ANKRD13A: variants seen among roughly 807,000 people sequenced by gnomAD.
ANKRD13A encodes the protein ankyrin repeat domain 13A, also known as ankyrin repeat domain-containing protein 13A.
Under a neutral mutation model 81.3 loss-of-function variants are expected in ANKRD13A, and 48 were observed. The observed-to-expected ratio is 0.59, with a 90% CI of 0.47 to 0.75. The LOEUF (loss-of-function observed/expected upper bound fraction) is 0.75, where lower values mean the gene tolerates loss of function less well. Among genes scored for constraint, ANKRD13A ranks in the 30% least tolerant of loss-of-function variants. The pLI, the probability that ANKRD13A is intolerant of heterozygous loss-of-function variation, is 0.00. For missense variants in ANKRD13A, 612 were observed against 734.0 expected, an observed-to-expected ratio of 0.83 and a Z score of 1.92; for synonymous variants, 230 against 270.1, an observed-to-expected ratio of 0.85 and a Z score of 1.45.
intron 10 of ANKRD13A, 104 bp downstream of exon 10, chr12:110,028,746 A>ATT (rs1031484284): frequency 1.4e-6 from 2 of 1,456,432 alleles, no homozygotes; most frequent in Non-Finnish European, 1.9e-6. Context: ...CACCACCCTT[A>ATT]TTTTTTTTTC....
chr12:110,012,392 CT>C (rs1212884847), intron 2 of ANKRD13A, among the ~76,000 whole-genome samples: 1 of 152,162 alleles, frequency 6.6e-6, no homozygotes, highest in Non-Finnish European at 1.5e-5. Context: ...ATTTTAGTTT[CT>C]GTTTCTGAAT....
chr12:110,007,726 A>G (rs1278089535), intron 1 of ANKRD13A, among the ~76,000 whole-genome samples: 1 of 152,102 alleles, frequency 6.6e-6, no homozygotes, highest in Admixed American at 6.6e-5. Context: ...GTTTAAGAGT[A>G]TGTAAGTTTT....
intron 8 of ANKRD13A, among the ~76,000 whole-genome samples, chr12:110,026,301 C>T (rs931128616): frequency 2.8e-4 from 42 of 151,468 alleles, no homozygotes; most frequent in East Asian, 8.1e-4. Flanking sequence ...TGGCCAGGCA[C>T]GGTGGCTCAT....
At chr12:110,017,665 G>A (rs1890862122) in intron 4 of ANKRD13A, among the ~76,000 whole-genome samples, 2 of 152,092 alleles carry the variant, frequency 1.3e-5, no homozygotes, top group Admixed American at 6.5e-5. Flanking sequence ...CGGATGCGGT[G>A]GCTCATGCCT....
At chr12:110,028,151 A>G in intron 9 of ANKRD13A, 1 of 305,518 alleles carries the variant, frequency 3.3e-6, no homozygotes, top group Non-Finnish European at 6.1e-6. Context: ...CCTGCGGGTC[A>G]GAAAAATGAA....
At chr12:110,013,543 C>T (rs1313983263) in intron 3 of ANKRD13A, among the ~76,000 whole-genome samples, 1 of 151,900 alleles carries the variant, frequency 6.6e-6, no homozygotes, top group African/African-American at 2.4e-5. Flanking sequence ...GAGGCTGAGG[C>T]AGGAGGATTT....
chr12:109,999,897 T>C lies in ANKRD13A; in HGVS notation c.96+113T>C. The stretch of plus-strand genomic sequence containing the variant: ...CTGTCCCCGGGATCCCCAGACCCCT[T>C]CCACTTTGCAGGTGTGGGACAGTCC... On this transcript the variant is annotated intron_variant, in intron 1 of 14. Coordinates refer to ENST00000261739, the MANE Select transcript of ANKRD13A (RefSeq NM_033121.2). This position sits in a 1 kb window ranked among gnomAD's most constrained non-coding sequence, Gnocchi z 4.3. 1.0e-6 allele frequency: 1 copy of C among 977,440 alleles called. No individual in the cohort carries two copies. Among genetic ancestry groups the C allele is most frequent in the East Asian group, 3.1e-5 (1 of 32,534 alleles). The allele number at this position is 977,440 out of a possible 1,614,324, so 60.5% of individuals were successfully genotyped here.
chr12:110,029,154 C>T (rs2137163284), intron 10 of ANKRD13A: 2 of 203,118 alleles, frequency 9.8e-6, no homozygotes, highest in Non-Finnish European at 2.0e-5. Context: ...GTAAGAATTC[C>T]TTTTTTTTTT....
chr12:110,015,275 G>A (rs1028254874), intron 3 of ANKRD13A, among the ~76,000 whole-genome samples: 3 of 152,214 alleles, frequency 2.0e-5, no homozygotes, highest in South Asian at 2.1e-4. Flanking sequence ...AGGAAGTGGA[G>A]TCTAGCAACC....
In ANKRD13A at chr12:110,012,157, A is replaced by G; in HGVS notation, c.229+20A>G. The G allele has an allele frequency of 6.3e-7, 1 of 1,588,716 alleles. No individual in the cohort carries two copies. The highest frequency in any genetic ancestry group is 8.6e-7 in the Non-Finnish European group (1 of 1,160,188). ...GGACAGGTAAGTATACTTTTACAAT[A>G]ATTTAAAGTCCGTCTGAGCACCATG... On this transcript the variant is annotated intron_variant, in intron 2 of 14. Coordinates refer to ENST00000261739, the MANE Select transcript of ANKRD13A (RefSeq NM_033121.2).
At chr12:110,024,182 C>A in intron 7 of ANKRD13A, 70 bp downstream of exon 7, 1 of 1,392,188 alleles carries the variant, frequency 7.2e-7, no homozygotes, top group Non-Finnish European at 9.8e-7. Context: ...GAATCTGTTC[C>A]CATTTTTTTC....
At chr12:110,020,110 G>T (rs151320122) in intron 6 of ANKRD13A, among the ~76,000 whole-genome samples, 63 of 152,286 alleles carry the variant, frequency 4.1e-4, no homozygotes, top group Non-Finnish European at 7.9e-4. Flanking sequence ...TGAGAAAATG[G>T]ACACTATCAT....
chr12:110,000,064 G>T (rs1411144890), intron 1 of ANKRD13A, among the ~76,000 whole-genome samples: 1 of 152,178 alleles, frequency 6.6e-6, no homozygotes, highest in Admixed American at 6.5e-5. Context: ...CAGACGCTAC[G>T]TGCCTTGTGC....
rs1891475603 is a variant in ANKRD13A, at chr12:110,028,532, T to C, written c.966T>C (p.Ala322=). ...GAQGDLTTEC[A]TANNPTAITP... is the part of the protein sequence containing the mutation. Reference sequence around the variant, plus strand: ...AGCAGGACCTCACCACGGAATGTGCTACTGCAAACAACCCCACAGCCATCA... The same window carrying C: ...AGCAGGACCTCACCACGGAATGTGCCACTGCAAACAACCCCACAGCCATCA... Residue 322 remains alanine (A), a synonymous_variant, in exon 10 of 15, where the codon GCT becomes GCC. Coordinates refer to ENST00000261739, the MANE Select transcript of ANKRD13A (RefSeq NM_033121.2). The C allele has an allele frequency of 6.2e-7, 1 of 1,614,172 alleles. No homozygotes were observed. Among genetic ancestry groups the C allele is most frequent in the Non-Finnish European group, 8.5e-7 (1 of 1,180,020 alleles).
At chr12:110,004,142 TATGAGA>T in intron 1 of ANKRD13A, among the ~76,000 whole-genome samples, 1 of 151,148 alleles carries the variant, frequency 6.6e-6, no homozygotes, top group South Asian at 2.1e-4. Context: ...CCGGCAACAG[TATGAGA>T]CTCCATCTCA....
chr12:110,019,418 T>C (rs1890963251), intron 6 of ANKRD13A, 90 bp downstream of exon 6: 1 of 1,285,292 alleles, frequency 7.8e-7, no homozygotes, highest in East Asian at 2.6e-5. Context: ...TATGGATGGA[T>C]TGGGCTTTTT....
intron 1 of ANKRD13A, among the ~76,000 whole-genome samples, chr12:110,001,610 G>C (rs1417106716): frequency 6.6e-6 from 1 of 151,694 alleles, no homozygotes; most frequent in Non-Finnish European, 1.5e-5. Context: ...TAGTGGAGGT[G>C]GTATTTTGTC....
intron 1 of ANKRD13A, among the ~76,000 whole-genome samples, chr12:110,002,338 C>T (rs566043443): frequency 7.2e-5 from 11 of 152,180 alleles, no homozygotes; most frequent in African/African-American, 2.2e-4. Flanking sequence ...TTCTTAAGTC[C>T]GGGCACGGTG....
intron 3 of ANKRD13A, among the ~76,000 whole-genome samples, chr12:110,013,662 T>C (rs929147549): frequency 6.6e-6 from 1 of 152,064 alleles, no homozygotes; most frequent in Non-Finnish European, 1.5e-5. Context: ...TCTGAGCTAC[T>C]TGGGAGGCTG....
Sources: allele counts gnomAD v4.1 joint callset (sites outside exome capture counted in the v4.1 genomes callset), GRCh38; gene constraint gnomAD v4.1.1; non-coding constraint Gnocchi (gnomAD v3.1); transcripts MANE v1.5; gene names NCBI Gene and HGNC (gene_info 2026-07-23, HGNC 2026-07-21).